Variants in STAU2 observed in about 807,000 individuals in gnomAD.
STAU2 encodes the protein staufen double-stranded RNA binding protein 2, also known as double-stranded RNA-binding protein Staufen homolog 2.
STAU2 carries 20 observed loss-of-function variants against 65.9 expected under a neutral mutation model. The observed-to-expected ratio is 0.30, with a 90% CI of 0.21 to 0.44. STAU2 has a LOEUF of 0.44. Ranked by LOEUF, STAU2 falls within the 20% of genes least tolerant of loss-of-function variation. STAU2 has a pLI of 1.00. For synonymous variants in STAU2, 232 were observed against 233.9 expected (o/e 0.99, Z 0.07); for missense variants, 558 against 683.9 (o/e 0.82, Z 2.05).
intron 13 of STAU2, among the ~76,000 whole-genome samples, chr8:73,444,169 G>C (rs536108577): frequency 6.6e-6 from 1 of 152,328 alleles, no homozygotes; most frequent in Non-Finnish European, 1.5e-5. Flanking sequence ...CACTTTGGAA[G>C]GCCGAGGCGG....
At chr8:73,641,496 C>A (rs1233588966) in intron 6 of STAU2, among the ~76,000 whole-genome samples, 1 of 152,196 alleles carries the variant, frequency 6.6e-6, no homozygotes, top group Admixed American at 6.5e-5. Flanking sequence ...TACCCTTTAA[C>A]TAGTTGTTAA....
chr8:73,656,096 A>G (rs1816350204), intron 6 of STAU2, among the ~76,000 whole-genome samples: 1 of 152,202 alleles, frequency 6.6e-6, no homozygotes, highest in Non-Finnish European at 1.5e-5. Context: ...TAATTTTTAA[A>G]CAAAAAGTAA....
At chr8:73,643,390 AAGG>A (rs763899781) in intron 6 of STAU2, among the ~76,000 whole-genome samples, 1 of 152,296 alleles carries the variant, frequency 6.6e-6, no homozygotes, top group East Asian at 1.9e-4. Flanking sequence ...AGTCCCAATC[AAGG>A]AGTTCACATT....
chr8:73,683,552 G>A (rs1818581195), intron 5 of STAU2, among the ~76,000 whole-genome samples: 1 of 152,102 alleles, frequency 6.6e-6, no homozygotes, highest in South Asian at 2.1e-4. Context: ...ACTGGAACAA[G>A]ACAAAGATGC....
chr8:73,479,472 GCA>G (rs5892420), intron 13 of STAU2, among the ~76,000 whole-genome samples: 25 of 139,912 alleles, frequency 1.8e-4, no homozygotes, highest in Middle Eastern at 7.0e-3. Flanking sequence ...TCCCTATTCT[GCA>G]CACACACACA....
chr8:73,743,169 A>G (rs1807000883), intron 1 of STAU2, among the ~76,000 whole-genome samples: 1 of 152,166 alleles, frequency 6.6e-6, no homozygotes, highest in South Asian at 2.1e-4. Context: ...AGGAAAACAG[A>G]AGTCTTACGC....
At chr8:73,598,226 C>CT (rs138249622) in intron 10 of STAU2, among the ~76,000 whole-genome samples, 21,852 of 129,292 alleles carry the variant, frequency 0.17, 1,876 homozygotes, top group Middle Eastern at 0.22. Context: ...AAGAAGAAAA[C>CT]TTTTTTTTTT....
chr8:73,483,106 T>G (rs1170110072), intron 13 of STAU2, among the ~76,000 whole-genome samples: 1 of 152,130 alleles, frequency 6.6e-6, no homozygotes, highest in East Asian at 1.9e-4. Context: ...AGGGTGGAGT[T>G]GCTGGACTTT....
rs1192277611 is a variant in STAU2, at chr8:73,421,373, T to G, written c.1712A>C (p.Ter571SerextTer13). The change falls in exon 15 of 15, where the codon TAG becomes TCG. Residue 571 changes from the stop codon to serine, a stop_lost. Coordinates refer to ENST00000524300, the MANE Select transcript of STAU2 (RefSeq NM_001164380.2). ...GGCAGCCGCGGGTTCTGGGAGCTGCTAGACGGCCGAGTTTGATTTCTTGCA... is the reference window on the plus strand; with the variant it reads ...GGCAGCCGCGGGTTCTGGGAGCTGCGAGACGGCCGAGTTTGATTTCTTGCA... Reference protein sequence around the residue: ...QDCKKSNSAV* With the variant: ...QDCKKSNSAVS 2 of 1,537,286 alleles carry G rather than the reference T, an allele frequency of 1.3e-6. No homozygotes were observed.
intron 13 of STAU2, among the ~76,000 whole-genome samples, chr8:73,449,650 G>A (rs536316989): frequency 6.6e-6 from 1 of 152,156 alleles, no homozygotes; most frequent in East Asian, 1.9e-4. Flanking sequence ...AGGCCTGTCT[G>A]CCCTGGGGCT....
chr8:73,543,431 TTAAAACACTTAA>T (rs1263779030), intron 13 of STAU2, among the ~76,000 whole-genome samples: 1 of 152,224 alleles, frequency 6.6e-6, no homozygotes, highest in Non-Finnish European at 1.5e-5. Context: ...ATAAGGTTGA[TTAAAACACTTAA>T]GTGTAGTTAT....
chr8:73,676,588 TTTTTG>T (rs1303657726), intron 5 of STAU2, among the ~76,000 whole-genome samples: 1 of 152,144 alleles, frequency 6.6e-6, no homozygotes, highest in Admixed American at 6.5e-5. Context: ...AAGAATTTTG[TTTTTG>T]TTTTGTTTTG....
chr8:73,503,302 T>C (rs895938991), intron 13 of STAU2, among the ~76,000 whole-genome samples: 1 of 152,100 alleles, frequency 6.6e-6, no homozygotes, highest in African/African-American at 2.4e-5. Flanking sequence ...TACTACCCTA[T>C]TGAAGTGGTC....
At chr8:73,719,275 G>A (rs1821479611) in intron 3 of STAU2, among the ~76,000 whole-genome samples, 2 of 152,006 alleles carry the variant, frequency 1.3e-5, no homozygotes, top group African/African-American at 4.8e-5. Context: ...CATAGTGGCG[G>A]GTGTCTGTAG....
At chr8:73,632,948 G>A (rs1310162509) in intron 6 of STAU2, among the ~76,000 whole-genome samples, 1 of 152,170 alleles carries the variant, frequency 6.6e-6, no homozygotes, top group Non-Finnish European at 1.5e-5. Context: ...GAAAAGTTTA[G>A]AGTAAATGAT....
At chr8:73,725,532 C>A (rs1805562187) in intron 3 of STAU2, among the ~76,000 whole-genome samples, 1 of 152,240 alleles carries the variant, frequency 6.6e-6, no homozygotes, top group Non-Finnish European at 1.5e-5. Flanking sequence ...CATGGTGGCT[C>A]ACACCTGTAA....
chr8:73,618,998 T>C (rs1813038154), intron 6 of STAU2, among the ~76,000 whole-genome samples: 1 of 152,184 alleles, frequency 6.6e-6, no homozygotes, highest in South Asian at 2.1e-4. Context: ...TTTGGGGATA[T>C]TCAATTATTA....
intron 4 of STAU2, among the ~76,000 whole-genome samples, chr8:73,695,137 A>C (rs1335132258): frequency 6.6e-6 from 1 of 152,180 alleles, no homozygotes; most frequent in African/African-American, 2.4e-5. Flanking sequence ...GGAATGGCTA[A>C]GGGAGTGCTT....
At chr8:73,653,515 T>A (rs975006138) in intron 6 of STAU2, 1 of 152,532 alleles carries the variant, frequency 6.6e-6, no homozygotes, top group Admixed American at 6.5e-5. Context: ...TTTACTTCTT[T>A]CAAAAGTTCT....
Sources: allele counts gnomAD v4.1 joint callset (sites outside exome capture counted in the v4.1 genomes callset), GRCh38; gene constraint gnomAD v4.1.1; transcripts MANE v1.5; gene names NCBI Gene and HGNC (gene_info 2026-07-23, HGNC 2026-07-21).